The following PDS5A variants were observed in gnomAD, a reference collection of about 807,000 sequenced individuals.
PDS5A encodes sister chromatid cohesion protein PDS5 homolog A.
A neutral mutation model predicts 167.1 loss-of-function variants in PDS5A; 42 were observed. That is an observed-to-expected ratio of 0.25 (90% CI 0.20 to 0.33). The LOEUF is 0.33. Among genes scored for constraint, PDS5A ranks in the 10% least tolerant of loss-of-function variants. PDS5A has a pLI of 1.00. For missense variants in PDS5A, 1,033 were observed against 1,605.9 expected (o/e 0.64, Z 6.10); for synonymous variants, 553 against 554.6 (o/e 1.00, Z 0.04).
intron 2 of PDS5A, among the ~76,000 whole-genome samples, chr4:39,951,898 C>CA (rs1161911794): frequency 0.075 from 5,126 of 68,644 alleles, 346 homozygotes; most frequent in African/African-American, 0.15. Context: ...GAGTCTGTCT[C>CA]AAAAAAAAAA....
At chr4:39,963,436 G>A (rs1002907157) in intron 2 of PDS5A, among the ~76,000 whole-genome samples, 2 of 151,818 alleles carry the variant, frequency 1.3e-5, no homozygotes, top group Non-Finnish European at 2.9e-5. Context: ...TTCAGCCTGG[G>A]CAAAAATAGC....
At chr4:39,849,407 A>C in intron 27 of PDS5A, 113 bp downstream of exon 27, 1 of 687,642 alleles carries the variant, frequency 1.5e-6, no homozygotes, top group Non-Finnish European at 2.5e-6. Context: ...ACTTTTGTAA[A>C]CATTCTAAAA....
chr4:39,883,179 C>CT (rs953471373), intron 17 of PDS5A, among the ~76,000 whole-genome samples: 83 of 151,602 alleles, frequency 5.5e-4, no homozygotes, highest in Non-Finnish European at 9.4e-4. Flanking sequence ...CAACTAGCAT[C>CT]TTTTTTTTTA....
intron 26 of PDS5A, among the ~76,000 whole-genome samples, chr4:39,860,128 C>A (rs1718861920): frequency 6.6e-6 from 1 of 152,058 alleles, no homozygotes; most frequent in Admixed American, 6.5e-5. Flanking sequence ...GCCATATAAT[C>A]CAGCAATCTC....
chr4:39,848,946 C>T lies in PDS5A; in HGVS notation c.3244G>A (p.Ala1082Thr), dbSNP rs1206475766. ...CTTTTACTATTTATAACACAGAGAG[C>T]CACATCACATACTGTATACAGTTTC... ...NEKLYTVCDV[A>T]LCVINSKSAL... Residue 1082 changes from alanine to threonine, a missense_variant, in exon 28 of 33, where the codon GCT becomes ACT. Ala to Thr is a moderately conservative substitution (Grantham distance 58). Coordinates refer to ENST00000303538, the MANE Select transcript of PDS5A (RefSeq NM_001100399.2). The T allele has an allele frequency of 6.2e-7, 1 of 1,600,276 alleles. No homozygotes were observed. Among genetic ancestry groups the T allele is most frequent in the Non-Finnish European group, 8.5e-7 (1 of 1,170,488 alleles).
In PDS5A at chr4:39,977,781, C is replaced by G. The variant is rs1199937997; in HGVS notation, c.-365G>C. 1 of 149,422 alleles carries G rather than the reference C, an allele frequency of 6.7e-6. No homozygotes were observed. Among genetic ancestry groups the G allele is most frequent in the Non-Finnish European group, 1.5e-5 (1 of 66,924 alleles). 9.3% of individuals were successfully genotyped at this position (149,422 alleles called of 1,614,324 possible). On this transcript the variant is annotated 5_prime_UTR_variant, in exon 1 of 33. Transcript: ENST00000303538. The surrounding 1 kb of genome is among the most constrained non-coding windows in gnomAD (Gnocchi z 4.2). ...ACCCCCGCGGCCCGCCCGCACGCAC[C>G]TCGCGCCGGCCCGGACCGCCGACTC...
chr4:39,881,422 A>G (rs1720917286), intron 17 of PDS5A, among the ~76,000 whole-genome samples: 1 of 151,534 alleles, frequency 6.6e-6, no homozygotes, highest in Non-Finnish European at 1.5e-5. Context: ...GTTGAAGTTT[A>G]AACTAAGTTT....
intron 17 of PDS5A, among the ~76,000 whole-genome samples, chr4:39,885,487 T>C (rs1229299607): frequency 6.6e-6 from 1 of 151,826 alleles, no homozygotes; most frequent in African/African-American, 2.4e-5. Flanking sequence ...CACCTATAGT[T>C]CCACCTACTC....
chr4:39,915,061 A>AAG (rs992377984), intron 8 of PDS5A, among the ~76,000 whole-genome samples: 2 of 151,994 alleles, frequency 1.3e-5, no homozygotes, highest in African/African-American at 4.8e-5. Flanking sequence ...TTTAAGAGGT[A>AAG]AGAGTCTTGC....
intron 26 of PDS5A, among the ~76,000 whole-genome samples, chr4:39,852,878 T>TG (rs1335789119): frequency 1.3e-5 from 2 of 152,228 alleles, no homozygotes; most frequent in African/African-American, 4.8e-5. Context: ...CCTAATTCCT[T>TG]GGCTGTTCTA....
chr4:39,974,477 C>G (rs748700785), intron 2 of PDS5A: 86 of 276,282 alleles, frequency 3.1e-4, no homozygotes, highest in Middle Eastern at 1.3e-3. Flanking sequence ...AACAGTGTAA[C>G]TTTTAGAAGC....
chr4:39,877,499 T>C (rs1209940482), intron 18 of PDS5A, among the ~76,000 whole-genome samples: 4 of 152,208 alleles, frequency 2.6e-5, no homozygotes, highest in Admixed American at 2.0e-4. Flanking sequence ...TTTATAAATA[T>C]ATTGTATTTA....
chr4:39,863,307 T>C, intron 24 of PDS5A, 29 bp downstream of exon 24: 1 of 1,523,804 alleles, frequency 6.6e-7, no homozygotes, highest in East Asian at 2.3e-5. Flanking sequence ...TGAAGATAAG[T>C]AATTGACAAA....
intron 17 of PDS5A, among the ~76,000 whole-genome samples, chr4:39,884,476 G>A (rs548618676): frequency 6.6e-6 from 1 of 152,290 alleles, no homozygotes; most frequent in African/African-American, 2.4e-5. Flanking sequence ...TGTACATGTT[G>A]GAAAGGACTG....
intron 2 of PDS5A, among the ~76,000 whole-genome samples, chr4:39,951,574 C>T (rs1424832280): frequency 6.6e-6 from 1 of 150,834 alleles, no homozygotes. Context: ...CTCAGAAGAA[C>T]ATCTCAGCAA....
At chr4:39,879,501 G>C (rs1720757355) in intron 18 of PDS5A, among the ~76,000 whole-genome samples, 1 of 152,012 alleles carries the variant, frequency 6.6e-6, no homozygotes, top group Non-Finnish European at 1.5e-5. Flanking sequence ...AGCATAGAAG[G>C]CATGGAAATG....
At chr4:39,934,662 G>A (rs1344074715) in intron 2 of PDS5A, among the ~76,000 whole-genome samples, 3 of 133,486 alleles carry the variant, frequency 2.2e-5, no homozygotes, top group Non-Finnish European at 4.7e-5. Flanking sequence ...ATCAAACTAA[G>A]TTTTTTTGCC....
At chr4:39,856,997 G>C (rs961616441) in intron 26 of PDS5A, among the ~76,000 whole-genome samples, 2 of 152,088 alleles carry the variant, frequency 1.3e-5, no homozygotes, top group African/African-American at 4.8e-5. Context: ...AAACAAATTT[G>C]CTACTATTCA....
chr4:39,853,545 T>C (rs1718292100), intron 26 of PDS5A, among the ~76,000 whole-genome samples: 1 of 152,154 alleles, frequency 6.6e-6, no homozygotes, highest in African/African-American at 2.4e-5. Context: ...GAAACCTAAG[T>C]CATTAAGATG....
Sources: gnomAD v4.1 joint callset for allele counts (sites outside exome capture counted in the v4.1 genomes callset) on GRCh38, gnomAD v4.1.1 for gene constraint, Gnocchi (gnomAD v3.1) non-coding constraint, MANE v1.5 for transcripts, NCBI Gene and HGNC (gene_info 2026-07-23, HGNC 2026-07-21) for gene names.